Variants in SGCE observed in about 807,000 individuals in gnomAD.
The protein encoded by SGCE is epsilon-sarcoglycan.
Under a neutral mutation model 57.8 loss-of-function variants are expected in SGCE, and 26 were observed. That is an observed-to-expected ratio of 0.45 (90% CI 0.33 to 0.62). SGCE has a LOEUF of 0.62. Ranked by LOEUF, SGCE falls within the 20% of genes least tolerant of loss-of-function variation. The pLI is 0.02. For missense variants in SGCE, 468 were observed against 548.6 expected (o/e 0.85, Z 1.47); for synonymous variants, 183 against 189.5 (o/e 0.97, Z 0.28).
intron 9 of SGCE, among the ~76,000 whole-genome samples, chr7:94,595,143 T>A (rs145065980): frequency 6.6e-6 from 1 of 152,260 alleles, no homozygotes; most frequent in African/African-American, 2.4e-5. Flanking sequence ...TTAAACATTT[T>A]TTCTTACTGA....
At chr7:94,648,396 A>AAAAAAAAAAAAAAAAAAAAAAAC (rs1807416171) in intron 1 of SGCE, among the ~76,000 whole-genome samples, 1 of 151,154 alleles carries the variant, frequency 6.6e-6, no homozygotes, top group Non-Finnish European at 1.5e-5. Context: ...AAAAAAAAAA[A>AAAAAAAAAAAAAAAAAAAAAAAC]AAGAATTACT....
rs1015253301 is a variant in SGCE at position 94,628,441 on chromosome 7, T to C, written c.233-82A>G. On this transcript the variant is annotated intron_variant, in intron 2 of 10. Coordinates refer to ENST00000648936, the MANE Select transcript of SGCE (RefSeq NM_003919.3). ...TGGTAGTTTCAATCAAAACATTCTG[T>C]CTAAAATTTTTTTCTTACATTTGTA... 2.4e-6 allele frequency: 3 copies of C among 1,260,876 alleles called. No homozygotes were observed. The African/African-American group carries it at 4.4e-5, about 19-fold the overall frequency. The allele number at this position is 1,260,876 out of a possible 1,614,324, so 78.1% of individuals were successfully genotyped here.
intron 9 of SGCE, among the ~76,000 whole-genome samples, chr7:94,596,913 T>C (rs1044283438): frequency 6.6e-6 from 1 of 152,150 alleles, no homozygotes; most frequent in South Asian, 2.1e-4. Context: ...AAAGAATAAG[T>C]ACAAATTCTT....
chr7:94,637,582 T>TA (rs1805768440), intron 1 of SGCE, among the ~76,000 whole-genome samples: 1 of 152,184 alleles, frequency 6.6e-6, no homozygotes, highest in South Asian at 2.1e-4. Context: ...TGGCGTCTCT[T>TA]AGAGATTCTA....
At chr7:94,644,697 A>T in intron 1 of SGCE, 1 of 1,215,278 alleles carries the variant, frequency 8.2e-7, no homozygotes, top group Non-Finnish European at 1.1e-6. Flanking sequence ...CTTTGTTTTC[A>T]GAAGTTGGTT....
intron 1 of SGCE, chr7:94,639,340 CCATCTTT>C (rs1806058183): frequency 6.6e-7 from 1 of 1,518,146 alleles, no homozygotes; most frequent in East Asian, 2.4e-5. Flanking sequence ...CCTAAACTCA[CCATCTTT>C]CATCCCAGCA....
chr7:94,650,156 G>GA, intron 1 of SGCE, among the ~76,000 whole-genome samples: 1 of 152,272 alleles, frequency 6.6e-6, no homozygotes, highest in Admixed American at 6.5e-5. Context: ...ACAGACAGAA[G>GA]TTAAAAACAT....
rs1000399335 is a variant in SGCE, at chr7:94,655,006, C to T, written c.109+984G>A. On this transcript the variant is annotated intron_variant, in intron 1 of 10. Transcript: ENST00000648936. ...GCATCCTTCCTCATCAGAATTTTAGCGTCTTATCAGCCACTGCAATTTTCC... is the reference window on the plus strand; with the variant it reads ...GCATCCTTCCTCATCAGAATTTTAGTGTCTTATCAGCCACTGCAATTTTCC... Among the ~76,000 whole-genome samples, 7 of 152,198 alleles carry T rather than the reference C, an allele frequency of 4.6e-5. No individual in the cohort carries two copies. The East Asian group carries it at 1.3e-3, about 29-fold the overall frequency.
chr7:94,635,719 A>C (rs1352015242), intron 1 of SGCE, among the ~76,000 whole-genome samples: 5 of 152,214 alleles, frequency 3.3e-5, no homozygotes, highest in Admixed American at 3.3e-4. Context: ...TGCTGTAGAG[A>C]AATATTTTAA....
chr7:94,620,887 C>T (rs965083754), intron 4 of SGCE: 6 of 152,246 alleles, frequency 3.9e-5, no homozygotes, highest in African/African-American at 1.4e-4. Context: ...AGATGAGTCA[C>T]AGCAGCTTTC....
intron 9 of SGCE, among the ~76,000 whole-genome samples, chr7:94,594,273 T>G (rs1393409092): frequency 2.0e-5 from 3 of 152,150 alleles, no homozygotes; most frequent in Non-Finnish European, 4.4e-5. Flanking sequence ...ACAATGTGAT[T>G]TCCAGGAATG....
intron 9 of SGCE, among the ~76,000 whole-genome samples, chr7:94,591,691 A>G (rs978952386): frequency 1.4e-4 from 21 of 152,112 alleles, no homozygotes; most frequent in Non-Finnish European, 2.9e-4. Context: ...ACCACTGATC[A>G]AAGTCAACCT....
intron 10 of SGCE, chr7:94,587,505 T>C (rs1797064664): frequency 7.7e-7 from 1 of 1,297,044 alleles, no homozygotes. Context: ...AGTATTCTTT[T>C]AGAAATTTTC....
intron 10 of SGCE, among the ~76,000 whole-genome samples, chr7:94,586,281 C>T (rs1796903044): frequency 6.6e-6 from 1 of 151,982 alleles, no homozygotes; most frequent in African/African-American, 2.4e-5. Flanking sequence ...ATGTAGCTGC[C>T]TCTATGCAGT....
chr7:94,628,211 T>G lies in SGCE; in HGVS notation c.381A>C (p.Thr127=). 1 of 1,611,204 alleles carries G rather than the reference T, an allele frequency of 6.2e-7. No homozygotes were observed. The highest frequency in any genetic ancestry group is 8.5e-7 in the Non-Finnish European group (1 of 1,178,232). The change falls in exon 3 of 11, where the codon ACA becomes ACC. Residue 127 remains threonine (T), a synonymous_variant. Transcript: ENST00000648936. ...SPTAENVGKP[T]IIEITAYNRR... ...TCTAGGTGTAAATTACCTCAATGAT[T>G]GTTGGCTTCCCCACATTTTCAGCTG... is the stretch of plus-strand genomic sequence containing the variant.
chr7:94,643,834 T>C (rs1206552582), intron 1 of SGCE, among the ~76,000 whole-genome samples: 2 of 152,196 alleles, frequency 1.3e-5, no homozygotes, highest in African/African-American at 4.8e-5. Flanking sequence ...AAAGGACCAA[T>C]GCATTTTTTT....
At position 94,644,601 on chromosome 7, in the gene SGCE, C is replaced by G. The variant is rs751203511; in HGVS notation, c.109+11389G>C. 5.6e-6 allele frequency: 7 copies of G among 1,256,320 alleles called. No individual in the cohort carries two copies. The South Asian group carries it at 8.8e-5, about 16-fold the overall frequency. 77.8% of individuals were successfully genotyped at this position (1,256,320 alleles called of 1,614,324 possible). A position where few individuals can be genotyped will look rare whatever the true frequency, so the allele number is the denominator to read the frequency against. On this transcript the variant is annotated intron_variant, in intron 1 of 10. Coordinates refer to ENST00000648936, the MANE Select transcript of SGCE (RefSeq NM_003919.3). ...AATGAAATTTAATCTGATTATCATA[C>G]TCACCTTAAAAGCAAACTGTCAAGT...
At position 94,656,065 on chromosome 7, in the gene SGCE, G is replaced by A. The variant is rs1381006464; in HGVS notation, c.34C>T (p.Pro12Ser). The A allele has an allele frequency of 3.1e-6, 5 of 1,612,916 alleles. No individual in the cohort carries two copies. The highest frequency in any genetic ancestry group is 4.2e-6 in the Non-Finnish European group (5 of 1,179,088). ...CGACCCTGTCCCGTCCAAGCACAGG[G>A]GTCTCCCAGCTCCCACCACCGGGGC... The part of the protein sequence containing the change: ...QLPRWWELGD[P>S]CAWTGQGRGT... The change falls in exon 1 of 11, where the codon CCC (proline) becomes TCC (serine). Residue 12 changes from proline to serine, a missense_variant. Transcript: ENST00000648936.
intron 1 of SGCE, among the ~76,000 whole-genome samples, chr7:94,651,800 G>T (rs1327649630): frequency 6.6e-6 from 1 of 152,124 alleles, no homozygotes; most frequent in African/African-American, 2.4e-5. Context: ...ATTTGGCTTG[G>T]AAGCAATCCA....
Sources: allele counts gnomAD v4.1 joint callset (sites outside exome capture counted in the v4.1 genomes callset), GRCh38; gene constraint gnomAD v4.1.1; transcripts MANE v1.5; gene names NCBI Gene and HGNC (gene_info 2026-07-23, HGNC 2026-07-21).